The following DLG2 variants were observed in gnomAD, a reference collection of about 807,000 sequenced individuals.
The protein encoded by DLG2 is discs large MAGUK scaffold protein 2.
DLG2 carries 45 observed loss-of-function variants against 132.5 expected under a neutral mutation model. That is an observed-to-expected ratio of 0.34 (90% CI 0.27 to 0.44). The LOEUF (loss-of-function observed/expected upper bound fraction) is 0.44. DLG2 is among the 20% of genes least tolerant of loss of function. DLG2 has a pLI of 1.00. For synonymous variants in DLG2, 424 were observed against 419.6 expected, an observed-to-expected ratio of 1.01 and a Z score of -0.13; for missense variants, 1,045 against 1,196.9, an observed-to-expected ratio of 0.87 and a Z score of 1.87.
chr11:85,398,756 A>T (rs1219668448), intron 3 of DLG2, among the ~76,000 whole-genome samples: 1 of 152,116 alleles, frequency 6.6e-6, no homozygotes, highest in Non-Finnish European at 1.5e-5. Context: ...TAACCCAATA[A>T]CAGGTTCCAA....
chr11:84,897,157 T>C (rs867386791), intron 6 of DLG2, among the ~76,000 whole-genome samples: 3 of 143,678 alleles, frequency 2.1e-5, no homozygotes, highest in African/African-American at 5.3e-5. Flanking sequence ...TATATATATA[T>C]ACCCCTAAAT....
chr11:85,410,783 A>G (rs1052504925), intron 3 of DLG2, among the ~76,000 whole-genome samples: 1 of 151,896 alleles, frequency 6.6e-6, no homozygotes, highest in African/African-American at 2.4e-5. Context: ...GTTACAGGGG[A>G]GAAATTCCTA....
chr11:85,204,653 A>G (rs971592690), intron 4 of DLG2, among the ~76,000 whole-genome samples: 2 of 152,074 alleles, frequency 1.3e-5, no homozygotes, highest in African/African-American at 4.8e-5. Flanking sequence ...TAAAACATCA[A>G]TGACATTCTT....
chr11:84,585,319 C>T (rs1284075247), intron 6 of DLG2, among the ~76,000 whole-genome samples: 2 of 152,104 alleles, frequency 1.3e-5, no homozygotes, highest in Admixed American at 1.3e-4. Context: ...TAAATTGGCT[C>T]TAGAACTGGT....
intron 6 of DLG2, among the ~76,000 whole-genome samples, chr11:84,910,938 A>C (rs2091998990): frequency 6.6e-6 from 1 of 152,206 alleles, no homozygotes; most frequent in Non-Finnish European, 1.5e-5. Context: ...ATAGAAAACA[A>C]AGAAGTTCCA....
At chr11:85,140,695 T>C (rs150938190) in intron 5 of DLG2, among the ~76,000 whole-genome samples, 63 of 151,888 alleles carry the variant, frequency 4.1e-4, no homozygotes, top group African/African-American at 1.5e-3. Context: ...ACTATACTTT[T>C]ATATAAATTA....
chr11:84,317,260 G>GT, intron 7 of DLG2: 1 of 1,497,748 alleles, frequency 6.7e-7, no homozygotes, highest in Non-Finnish European at 8.8e-7. Context: ...GGATTCCTCA[G>GT]TATCTTTGAC....
At chr11:85,144,832 T>C (rs1464532477) in intron 5 of DLG2, among the ~76,000 whole-genome samples, 1 of 152,122 alleles carries the variant, frequency 6.6e-6, no homozygotes, top group Non-Finnish European at 1.5e-5. Flanking sequence ...TTACTATTCC[T>C]ATTCAAGATA....
intron 5 of DLG2, among the ~76,000 whole-genome samples, chr11:85,151,800 G>C (rs1473410111): frequency 2.6e-5 from 4 of 152,238 alleles, no homozygotes; most frequent in Admixed American, 6.5e-5. Flanking sequence ...TTTGTAGTAA[G>C]CTTTGAAATC....
At chr11:83,463,859 A>G (rs889000072) in intron 26 of DLG2, among the ~76,000 whole-genome samples, 3 of 152,196 alleles carry the variant, frequency 2.0e-5, no homozygotes, top group African/African-American at 7.2e-5. Context: ...TCTTCTCTGA[A>G]TTCCCTTTTT....
rs569974814 is a variant in DLG2, at chr11:85,070,641, C to T, written c.357+41020G>A. 2.0e-5 allele frequency among the ~76,000 whole-genome samples: 3 copies of T among 151,892 alleles called. No homozygotes were observed. The South Asian group carries it at 6.2e-4, about 31-fold the overall frequency. On this transcript the variant is annotated intron_variant, in intron 6 of 27. Transcript: ENST00000376104. ...AAGTCCCATAGCCTGTATCTAGGTACTGGAAATTGAACCCAGGTCTATTTT... is the reference window on the plus strand; with the variant it reads ...AAGTCCCATAGCCTGTATCTAGGTATTGGAAATTGAACCCAGGTCTATTTT...
chr11:85,480,705 CA>C (rs1473656918), intron 3 of DLG2, among the ~76,000 whole-genome samples: 4 of 151,944 alleles, frequency 2.6e-5, no homozygotes, highest in African/African-American at 9.7e-5. Context: ...GTACTCTTAC[CA>C]AAAGCACACA....
chr11:85,591,395 T>C (rs2079322842), intron 3 of DLG2, among the ~76,000 whole-genome samples: 1 of 152,172 alleles, frequency 6.6e-6, no homozygotes, highest in Non-Finnish European at 1.5e-5. Context: ...CACTCTCCTT[T>C]GAACGTACAT....
At chr11:84,307,055 T>A (rs2098227348) in intron 7 of DLG2, among the ~76,000 whole-genome samples, 1 of 152,208 alleles carries the variant, frequency 6.6e-6, no homozygotes, top group Admixed American at 6.5e-5. Flanking sequence ...ACGTGTATGT[T>A]CTTTGCAGCA....
intron 6 of DLG2, among the ~76,000 whole-genome samples, chr11:84,889,110 C>A (rs888830428): frequency 6.6e-6 from 1 of 151,410 alleles, no homozygotes. Context: ...ATTAAAATCT[C>A]TTAAACTTAC....
rs938188630 is a variant in DLG2 at position 84,356,361 on chromosome 11, C to A, written c.520-105070G>T. Among the ~76,000 whole-genome samples the A allele has an allele frequency of 2.0e-5, 3 of 152,172 alleles. No individual in the cohort carries two copies. In the East Asian group the frequency reaches 5.8e-4, roughly 29 times the overall value. On this transcript the variant is annotated intron_variant, in intron 7 of 27. Coordinates refer to ENST00000376104, the MANE Select transcript of DLG2 (RefSeq NM_001142699.3). Reference sequence around the variant, plus strand: ...TGTGGATACAATCTGAATCACGAAGCTTATATGCTAGCAAGAAAACTGAGA... The same window carrying A: ...TGTGGATACAATCTGAATCACGAAGATTATATGCTAGCAAGAAAACTGAGA...
chr11:85,178,941 A>G (rs1278697611), intron 4 of DLG2, among the ~76,000 whole-genome samples: 1 of 151,946 alleles, frequency 6.6e-6, no homozygotes, highest in African/African-American at 2.4e-5. Flanking sequence ...TGAAAAAGCA[A>G]TATTTGAATA....
intron 6 of DLG2, among the ~76,000 whole-genome samples, chr11:84,724,115 G>C (rs2062134173): frequency 6.6e-6 from 1 of 152,000 alleles, no homozygotes; most frequent in Admixed American, 6.6e-5. Flanking sequence ...TGGCTACTAG[G>C]AGCCATGGTG....
chr11:84,809,253 T>C (rs915644564), intron 6 of DLG2, among the ~76,000 whole-genome samples: 5 of 151,836 alleles, frequency 3.3e-5, no homozygotes, highest in Non-Finnish European at 5.9e-5. Context: ...ATAAAAAGTC[T>C]TAAAAACTGG....
Sources: gnomAD v4.1 joint callset for allele counts (sites outside exome capture counted in the v4.1 genomes callset) on GRCh38, gnomAD v4.1.1 for gene constraint, MANE v1.5 for transcripts, NCBI Gene and HGNC (gene_info 2026-07-23, HGNC 2026-07-21) for gene names.